ADGRA3: variants seen among roughly 807,000 people sequenced by gnomAD.
The protein encoded by ADGRA3 is adhesion G protein-coupled receptor A3.
ADGRA3 carries 56 observed loss-of-function variants against 119.8 expected under a neutral mutation model. The ratio of observed to expected loss-of-function variants is 0.47; its 90% confidence interval spans 0.38 to 0.58. The LOEUF (loss-of-function observed/expected upper bound fraction) is 0.58. Among genes scored for constraint, ADGRA3 ranks in the 20% least tolerant of loss-of-function variants. The pLI is 0.00. For synonymous variants in ADGRA3, 607 were observed against 623.8 expected, an observed-to-expected ratio of 0.97 and a Z score of 0.40; for missense variants, 1,516 against 1,649.0, an observed-to-expected ratio of 0.92 and a Z score of 1.40.
intron 1 of ADGRA3, among the ~76,000 whole-genome samples, chr4:22,479,586 G>A (rs1489618993): frequency 6.6e-6 from 1 of 152,148 alleles, no homozygotes; most frequent in Non-Finnish European, 1.5e-5. Context: ...AAGACAGCAT[G>A]GCGATTCCTC....
intron 1 of ADGRA3, among the ~76,000 whole-genome samples, chr4:22,505,253 A>G (rs1435049027): frequency 2.0e-5 from 3 of 152,190 alleles, no homozygotes; most frequent in Non-Finnish European, 4.4e-5. Flanking sequence ...CATGGGAAAA[A>G]AAGCAATGAT....
At chr4:22,400,643 T>C (rs1577324151) in intron 16 of ADGRA3, among the ~76,000 whole-genome samples, 2 of 152,116 alleles carry the variant, frequency 1.3e-5, no homozygotes, top group Admixed American at 6.5e-5. Context: ...CAGGTAACAA[T>C]ACTGTACTGT....
At chr4:22,514,920 C>CGAA (rs1378406763) in intron 1 of ADGRA3, among the ~76,000 whole-genome samples, 2 of 152,168 alleles carry the variant, frequency 1.3e-5, no homozygotes, top group African/African-American at 4.8e-5. Context: ...TAAGCCCTCA[C>CGAA]AGACACGAAA....
rs151335919 is a variant in ADGRA3 at position 22,480,365 on chromosome 4, A to G, written c.258-6522T>C. On this transcript the variant is annotated intron_variant, in intron 1 of 18. Transcript: ENST00000334304. ...ATATTCTGAGGGACACAGCCACTCAATATTTTGCTATAAATCAGTACAATC... is the reference window on the plus strand; with the variant it reads ...ATATTCTGAGGGACACAGCCACTCAGTATTTTGCTATAAATCAGTACAATC... 1.6e-4 allele frequency among the ~76,000 whole-genome samples: 25 copies of G among 152,234 alleles called. No homozygotes were observed. The East Asian group carries it at 4.1e-3, about 25-fold the overall frequency.
intron 3 of ADGRA3, 67 bp downstream of exon 3, chr4:22,461,670 A>C: frequency 1.8e-6 from 2 of 1,084,126 alleles, no homozygotes; most frequent in Middle Eastern, 2.1e-4. Flanking sequence ...CATCATGTTA[A>C]AGTAAGTTGA....
At chr4:22,489,567 C>T (rs1230832535) in intron 1 of ADGRA3, among the ~76,000 whole-genome samples, 1 of 152,108 alleles carries the variant, frequency 6.6e-6, no homozygotes, top group Non-Finnish European at 1.5e-5. Context: ...TGAAGAGAGA[C>T]TTGTAAGACT....
chr4:22,437,292 T>A (rs1560316406), intron 8 of ADGRA3, among the ~76,000 whole-genome samples: 1 of 152,208 alleles, frequency 6.6e-6, no homozygotes, highest in East Asian at 1.9e-4. Flanking sequence ...ATAACTTTTT[T>A]AAAAAGAGCA....
intron 1 of ADGRA3, among the ~76,000 whole-genome samples, chr4:22,488,851 T>C (rs1454407560): frequency 6.6e-6 from 1 of 151,922 alleles, no homozygotes; most frequent in Non-Finnish European, 1.5e-5. Context: ...ATGCAAGTAA[T>C]ACAAGTCCCC....
chr4:22,502,228 T>C (rs1719071303), intron 1 of ADGRA3, among the ~76,000 whole-genome samples: 1 of 152,164 alleles, frequency 6.6e-6, no homozygotes, highest in Non-Finnish European at 1.5e-5. Context: ...AGTTGCCAAA[T>C]GCAATAATTA....
intron 2 of ADGRA3, among the ~76,000 whole-genome samples, chr4:22,465,770 A>T (rs1717635297): frequency 6.6e-6 from 1 of 152,204 alleles, no homozygotes; most frequent in Non-Finnish European, 1.5e-5. Context: ...CACAGTGGAG[A>T]TTTACTAAAG....
chr4:22,467,403 T>A (rs1344235036), intron 2 of ADGRA3, among the ~76,000 whole-genome samples: 1 of 152,156 alleles, frequency 6.6e-6, no homozygotes, highest in African/African-American at 2.4e-5. Context: ...TATGAAAAAA[T>A]TCAACCTGTA....
intron 8 of ADGRA3, 58 bp from the exon 9 acceptor site, chr4:22,436,699 T>C (rs1716409540): frequency 7.0e-7 from 1 of 1,427,578 alleles, no homozygotes; most frequent in Non-Finnish European, 9.8e-7. Context: ...ACATCAAGAA[T>C]AACAACAGCA....
intron 11 of ADGRA3, 145 bp downstream of exon 11, chr4:22,424,046 A>G (rs1715826173): frequency 1.9e-6 from 1 of 514,356 alleles, no homozygotes; most frequent in South Asian, 8.9e-5. Flanking sequence ...GTTATAACTT[A>G]TAAAATGTTA....
chr4:22,478,760 G>C (rs182738527), intron 1 of ADGRA3, among the ~76,000 whole-genome samples: 1 of 152,224 alleles, frequency 6.6e-6, no homozygotes, highest in African/African-American at 2.4e-5. Context: ...AGAAGACAGA[G>C]TTCAAGGCTC....
chr4:22,426,010 T>G (rs887984949), intron 10 of ADGRA3, among the ~76,000 whole-genome samples: 13 of 152,344 alleles, frequency 8.5e-5, no homozygotes, highest in African/African-American at 3.1e-4. Context: ...TCTTTCTGAA[T>G]GTTGTGGAGA....
chr4:22,438,942 A>C (rs556013592), intron 7 of ADGRA3, among the ~76,000 whole-genome samples: 148 of 152,288 alleles, frequency 9.7e-4, no homozygotes, highest in African/African-American at 3.4e-3. Context: ...CGGAGGTTGC[A>C]GTGAGCCAAG....
chr4:22,495,986 T>C (rs1407571980), intron 1 of ADGRA3, among the ~76,000 whole-genome samples: 1 of 152,094 alleles, frequency 6.6e-6, no homozygotes, highest in African/African-American at 2.4e-5. Flanking sequence ...GCAACACTAA[T>C]AATATAATTG....
chr4:22,515,490 C>T, intron 1 of ADGRA3, 38 bp downstream of exon 1: 1 of 1,584,742 alleles, frequency 6.3e-7, no homozygotes, highest in Non-Finnish European at 8.6e-7. Flanking sequence ...AAGAAAGAGC[C>T]GAGCGGGAGA....
intron 1 of ADGRA3, among the ~76,000 whole-genome samples, chr4:22,479,238 C>T (rs10938901): frequency 0.54 from 82,301 of 151,850 alleles, 23,240 homozygotes; most frequent in East Asian, 0.69. Context: ...CCGAGGCGGG[C>T]GGATCATGAG....
Sources: allele counts gnomAD v4.1 joint callset (sites outside exome capture counted in the v4.1 genomes callset), GRCh38; gene constraint gnomAD v4.1.1; transcripts MANE v1.5; gene names NCBI Gene and HGNC (gene_info 2026-07-23, HGNC 2026-07-21).